MYCBP2: variants seen among roughly 807,000 people sequenced by gnomAD.
MYCBP2 encodes the protein MYC binding protein 2, also known as E3 ubiquitin-protein ligase MYCBP2.
A neutral mutation model predicts 525.3 loss-of-function variants in MYCBP2; 120 were observed. That is an observed-to-expected ratio of 0.23 (90% CI 0.20 to 0.27). The LOEUF is 0.27. Ranked by LOEUF, MYCBP2 falls within the 10% of genes least tolerant of loss-of-function variation. MYCBP2 has a pLI of 1.00. For missense variants in MYCBP2, 4,149 were observed against 5,657.1 expected (o/e 0.73, Z 8.55); for synonymous variants, 1,894 against 1,955.8 (o/e 0.97, Z 0.83).
Position 77,057,099 on chromosome 13 carries a change from A to G in MYCBP2, c.13330-6T>C. 2 of 1,598,412 alleles carry G rather than the reference A, an allele frequency of 1.3e-6. No homozygotes were observed. The highest frequency in any genetic ancestry group is 1.7e-6 in the Non-Finnish European group (2 of 1,166,160). ...AATATGTGACTACAATCCAGCTTAA[A>G]TAAACAAAAGAAAAGGACATAAGCA... On this transcript the variant is annotated splice_region_variant and splice_polypyrimidine_tract_variant and intron_variant, in intron 78 of 82. Coordinates refer to ENST00000544440, the MANE Select transcript of MYCBP2 (RefSeq NM_015057.5).
intron 34 of MYCBP2, among the ~76,000 whole-genome samples, chr13:77,178,249 A>G (rs1357607109): frequency 6.6e-6 from 1 of 152,246 alleles, no homozygotes; most frequent in Non-Finnish European, 1.5e-5. Flanking sequence ...ATGTATGAAT[A>G]AATCATCAGA....
At chr13:77,142,984 C>T (rs2054925589) in intron 49 of MYCBP2, among the ~76,000 whole-genome samples, 1 of 152,196 alleles carries the variant, frequency 6.6e-6, no homozygotes, top group African/African-American at 2.4e-5. Context: ...CGAAATTTAT[C>T]TGATCACAGA....
rs2058193660 is a variant in MYCBP2 at position 77,163,565 on chromosome 13, T to C, written c.6547+889A>G. ...TCAGTAAGCATTTTTACTTTCAACTTTACTCCCTTGATTATAGATTAATCT... is the reference window on the plus strand; with the variant it reads ...TCAGTAAGCATTTTTACTTTCAACTCTACTCCCTTGATTATAGATTAATCT... On this transcript the variant is annotated intron_variant, in intron 43 of 82. Transcript: ENST00000544440. Among the ~76,000 whole-genome samples the C allele has an allele frequency of 1.3e-5, 2 of 152,122 alleles. 1 individual carries two copies. Among genetic ancestry groups the C allele is most frequent in the East Asian group, 3.9e-4 (2 of 5,194 alleles).
Position 77,251,280 on chromosome 13 carries a change from G to T in MYCBP2, c.2252C>A (p.Ser751Tyr). 2.5e-6 allele frequency: 4 copies of T among 1,614,196 alleles called. No homozygotes were observed. Among genetic ancestry groups the T allele is most frequent in the South Asian group, 1.1e-5 (1 of 91,082 alleles). The change falls in exon 15 of 83, where the codon TCT (serine) becomes TAT (tyrosine). Residue 751 changes from serine (S) to tyrosine (Y), a missense_variant. Ser to Tyr is a moderately radical substitution (Grantham distance 144). Around this residue, in one of 21 missense-constraint regions of MYCBP2, gnomAD observed 620 missense variants for 795.5 expected, o/e 0.78. Transcript: ENST00000544440. ...GTGCATGCCTGGAGGGCACATCATA[G>T]ACTTCTCATCTTTTTCATCTAGTTC... ...EEELDEKDEK[S>Y]MMCPPGMHKW... is the part of the protein sequence containing the mutation.
intron 26 of MYCBP2, 142 bp downstream of exon 26, chr13:77,205,114 A>G (rs2063174025): frequency 1.6e-6 from 1 of 622,012 alleles, no homozygotes; most frequent in Non-Finnish European, 2.4e-6. Flanking sequence ...TGTTTTCTCT[A>G]TCGCTTTTTA....
At chr13:77,294,103 G>GCT (rs2077774236) in intron 2 of MYCBP2, among the ~76,000 whole-genome samples, 1 of 3,912 alleles carries the variant, frequency 2.6e-4, no homozygotes, top group Admixed American at 3.8e-3. Flanking sequence ...AGATATAATG[G>GCT]CTATATATAT....
intron 21 of MYCBP2, among the ~76,000 whole-genome samples, chr13:77,217,329 T>C (rs768136215): frequency 1.3e-5 from 2 of 152,204 alleles, no homozygotes; most frequent in Non-Finnish European, 2.9e-5. Context: ...ATTTTCACTC[T>C]TTAAGCTTTG....
At position 77,261,130 on chromosome 13, in the gene MYCBP2, C is replaced by G. The variant is rs536271154; in HGVS notation, c.1852+41G>C. ...AAGTTTTATTTTTACTAAAATAAAGCATTTATTTTTATTAAATGCATAGTT... is the reference window on the plus strand; with the variant it reads ...AAGTTTTATTTTTACTAAAATAAAGGATTTATTTTTATTAAATGCATAGTT... On this transcript the variant is annotated intron_variant, in intron 12 of 82. Transcript: ENST00000544440. The G allele has an allele frequency of 4.7e-6, 7 of 1,481,712 alleles. No individual in the cohort carries two copies. The East Asian group carries it at 1.6e-4, about 34-fold the overall frequency. The allele number at this position is 1,481,712 out of a possible 1,614,324, so 91.8% of individuals were successfully genotyped here. A position where few individuals can be genotyped will look rare whatever the true frequency, so the allele number is the denominator to read the frequency against.
chr13:77,120,437 C>A (rs2050493672), intron 55 of MYCBP2, among the ~76,000 whole-genome samples: 1 of 152,146 alleles, frequency 6.6e-6, no homozygotes, highest in Non-Finnish European at 1.5e-5. Context: ...ATTCCTTATA[C>A]ATTTTGTTCA....
At chr13:77,262,798 C>A (rs574689325) in intron 10 of MYCBP2, among the ~76,000 whole-genome samples, 1 of 151,986 alleles carries the variant, frequency 6.6e-6, no homozygotes, top group South Asian at 2.1e-4. Context: ...CTTTGTCCAG[C>A]TATACAAACT....
chr13:77,288,123 G>A (rs1348112383), intron 3 of MYCBP2, 38 bp downstream of exon 3: 1 of 1,595,980 alleles, frequency 6.3e-7, no homozygotes, highest in African/African-American at 1.3e-5. Flanking sequence ...ACACCTGCAG[G>A]TTACACATCT....
intron 52 of MYCBP2, among the ~76,000 whole-genome samples, chr13:77,128,148 A>C (rs1376478112): frequency 4.6e-5 from 7 of 151,910 alleles, no homozygotes; most frequent in Non-Finnish European, 1.0e-4. Context: ...CACAGAGAGC[A>C]CTCAAGATAA....
At position 77,211,984 on chromosome 13, in the gene MYCBP2, T is replaced by G. The variant is rs1420076419; in HGVS notation, c.3234A>C (p.Ser1078=). ...TTATGTGTTTACTGGCAAAAATTTCTGATGTAGCAAGTACATGAGAATTAA... is the reference window on the plus strand; with the variant it reads ...TTATGTGTTTACTGGCAAAAATTTCGGATGTAGCAAGTACATGAGAATTAA... ...ALINSHVLAT[S]EIFASKHIIG... The change falls in exon 22 of 83, where the codon TCA becomes TCC. Residue 1078 remains serine (S), a synonymous_variant. Transcript: ENST00000544440. 6.2e-7 allele frequency: 1 copy of G among 1,613,934 alleles called. No individual in the cohort carries two copies. The highest frequency in any genetic ancestry group is 8.5e-7 in the Non-Finnish European group (1 of 1,179,938).
intron 55 of MYCBP2, among the ~76,000 whole-genome samples, chr13:77,111,672 T>C (rs2048851545): frequency 6.6e-6 from 1 of 152,000 alleles, no homozygotes; most frequent in East Asian, 1.9e-4. Context: ...ATATTTCTTC[T>C]ACATTCTCCC....
intron 44 of MYCBP2, 27 bp from the exon 45 acceptor site, chr13:77,158,136 T>C (rs769876081): frequency 1.4e-6 from 2 of 1,428,990 alleles, no homozygotes; most frequent in Non-Finnish European, 1.9e-6. Flanking sequence ...AATATTTATA[T>C]ATTCTTAAAA....
intron 20 of MYCBP2, among the ~76,000 whole-genome samples, chr13:77,224,160 G>A (rs900950808): frequency 1.3e-5 from 2 of 152,038 alleles, no homozygotes; most frequent in African/African-American, 2.4e-5. Context: ...CCTTTAAAAA[G>A]ATAATTGCTA....
At chr13:77,102,613 A>G (rs2047244787) in intron 55 of MYCBP2, among the ~76,000 whole-genome samples, 1 of 151,492 alleles carries the variant, frequency 6.6e-6, no homozygotes, top group Admixed American at 6.6e-5. Context: ...TCAATAGTTT[A>G]AACATTTCTA....
intron 52 of MYCBP2, among the ~76,000 whole-genome samples, chr13:77,131,843 A>C (rs1000134325): frequency 6.6e-6 from 1 of 152,216 alleles, no homozygotes; most frequent in African/African-American, 2.4e-5. Flanking sequence ...ACCAAATTGC[A>C]ACTCTAAGCT....
intron 14 of MYCBP2, among the ~76,000 whole-genome samples, chr13:77,251,727 T>G (rs1430386461): frequency 6.6e-6 from 1 of 152,182 alleles, no homozygotes; most frequent in East Asian, 1.9e-4. Flanking sequence ...ATCATCCTCC[T>G]ACTGCCACCA....
Sources: gnomAD v4.1 joint callset for allele counts (sites outside exome capture counted in the v4.1 genomes callset) on GRCh38, gnomAD v4.1.1 for gene constraint, gnomAD v4.1.1 regional missense constraint, MANE v1.5 for transcripts, NCBI Gene and HGNC (gene_info 2026-07-23, HGNC 2026-07-21) for gene names.